Variants in SGCZ observed in about 807,000 individuals in gnomAD.
SGCZ encodes zeta-sarcoglycan.
Under a neutral mutation model 41.3 loss-of-function variants are expected in SGCZ, and 40 were observed. The ratio of observed to expected loss-of-function variants is 0.97; its 90% CI spans 0.75 to 1.26. The LOEUF (loss-of-function observed/expected upper bound fraction) is 1.26. Among genes scored for constraint, SGCZ ranks in the 50% most tolerant of loss-of-function variants. SGCZ has a pLI of 0.00. For synonymous variants in SGCZ, 206 were observed against 137.5 expected, an observed-to-expected ratio of 1.50 and a Z score of -3.49; for missense variants, 552 against 369.8, an observed-to-expected ratio of 1.49 and a Z score of -4.04.
chr8:14,442,795 T>C (rs753769123), intron 2 of SGCZ, among the ~76,000 whole-genome samples: 3 of 152,198 alleles, frequency 2.0e-5, no homozygotes, highest in Non-Finnish European at 4.4e-5. Context: ...CAAACTAAAT[T>C]TGTTTTATTG....
intron 1 of SGCZ, among the ~76,000 whole-genome samples, chr8:15,130,670 G>C (rs1042299470): frequency 2.6e-5 from 4 of 152,066 alleles, no homozygotes; most frequent in Non-Finnish European, 4.4e-5. Flanking sequence ...GATATAATGA[G>C]GCTGTGTCAA....
intron 1 of SGCZ, among the ~76,000 whole-genome samples, chr8:14,655,629 C>G (rs1347281314): frequency 2.6e-5 from 4 of 151,878 alleles, no homozygotes; most frequent in African/African-American, 9.7e-5. Flanking sequence ...AATTCTTTAC[C>G]CAATTTCACC....
At chr8:14,617,850 A>ATGTG (rs34821756) in intron 1 of SGCZ, among the ~76,000 whole-genome samples, 1,564 of 92,766 alleles carry the variant, frequency 0.017, 28 homozygotes, top group African/African-American at 0.051. Context: ...TTGTGTGTTT[A>ATGTG]TGTGTGTGTG....
chr8:14,554,739 A>T lies in SGCZ; in HGVS notation c.227T>A (p.Phe76Tyr). The change falls in exon 2 of 8, where the codon TTC becomes TAC. Residue 76 changes from phenylalanine to tyrosine, a missense_variant. Coordinates refer to ENST00000382080, the MANE Select transcript of SGCZ (RefSeq NM_139167.4). ...MTIWILKVMNFTVDGMGNLRV... is the reference protein window; with the variant it reads ...MTIWILKVMNYTVDGMGNLRV... ...AATCATAGTGGTACTTACCACAGTG[A>T]AATTCATAACTTTCAATATCCATAT... 1.2e-6 allele frequency: 2 copies of T among 1,612,290 alleles called. No individual in the cohort carries two copies. The highest frequency in any genetic ancestry group is 1.7e-6 in the Non-Finnish European group (2 of 1,178,924).
chr8:14,281,013 TA>T (rs1160085662), intron 3 of SGCZ, among the ~76,000 whole-genome samples: 3 of 151,874 alleles, frequency 2.0e-5, no homozygotes, highest in Admixed American at 6.6e-5. Context: ...CAGACAAATT[TA>T]TTTCCCTGCT....
At chr8:14,348,930 A>G (rs1802989647) in intron 2 of SGCZ, among the ~76,000 whole-genome samples, 1 of 152,150 alleles carries the variant, frequency 6.6e-6, no homozygotes, top group Non-Finnish European at 1.5e-5. Flanking sequence ...GAAAGTATAT[A>G]GAATTTTACA....
At chr8:14,328,470 T>A (rs1423261652) in intron 2 of SGCZ, among the ~76,000 whole-genome samples, 1 of 152,130 alleles carries the variant, frequency 6.6e-6, no homozygotes, top group Non-Finnish European at 1.5e-5. Flanking sequence ...CATCTGTAAA[T>A]GGAATGGTAA....
chr8:15,082,516 G>A (rs1041618643), intron 1 of SGCZ, among the ~76,000 whole-genome samples: 2 of 151,796 alleles, frequency 1.3e-5, no homozygotes, highest in Admixed American at 6.6e-5. Context: ...CCAAAACACT[G>A]AGTTACAGAA....
At chr8:15,090,730 G>A (rs1444836922) in intron 1 of SGCZ, among the ~76,000 whole-genome samples, 2 of 152,158 alleles carry the variant, frequency 1.3e-5, no homozygotes, top group Non-Finnish European at 2.9e-5. Flanking sequence ...AATGATGTGT[G>A]AGTCGATAAA....
intron 4 of SGCZ, among the ~76,000 whole-genome samples, chr8:14,176,502 C>T (rs1475482521): frequency 6.6e-6 from 1 of 152,298 alleles, no homozygotes; most frequent in East Asian, 1.9e-4. Context: ...CAAGTCAGTA[C>T]TGACAAAGAA....
chr8:14,474,193 A>G (rs1304084985), intron 2 of SGCZ, among the ~76,000 whole-genome samples: 1 of 152,164 alleles, frequency 6.6e-6, no homozygotes, highest in Non-Finnish European at 1.5e-5. Context: ...TTTTGCACTC[A>G]CAACTGATGT....
At chr8:14,202,523 CT>C (rs1805488456) in intron 4 of SGCZ, among the ~76,000 whole-genome samples, 1 of 151,470 alleles carries the variant, frequency 6.6e-6, no homozygotes, top group South Asian at 2.1e-4. Context: ...ACTATTCATA[CT>C]TGGATAATTT....
At chr8:14,923,830 G>T (rs1799664338) in intron 1 of SGCZ, among the ~76,000 whole-genome samples, 1 of 152,154 alleles carries the variant, frequency 6.6e-6, no homozygotes, top group Admixed American at 6.5e-5. Context: ...CAACTAAAAT[G>T]AAATTACAGA....
At chr8:14,918,386 G>A (rs1237320569) in intron 1 of SGCZ, among the ~76,000 whole-genome samples, 2 of 151,140 alleles carry the variant, frequency 1.3e-5, no homozygotes, top group African/African-American at 2.4e-5. Context: ...AACTTTCTGG[G>A]GTAATTTTCT....
intron 2 of SGCZ, among the ~76,000 whole-genome samples, chr8:14,530,965 T>C (rs1451295367): frequency 6.6e-6 from 1 of 152,002 alleles, no homozygotes; most frequent in Non-Finnish European, 1.5e-5. Context: ...GCAGACAAGT[T>C]CCCAGGTGGA....
At chr8:14,124,117 G>C (rs1418569216) in intron 5 of SGCZ, among the ~76,000 whole-genome samples, 1 of 152,248 alleles carries the variant, frequency 6.6e-6, no homozygotes, top group East Asian at 1.9e-4. Flanking sequence ...GTTCAAACTT[G>C]TAACCTCTAG....
chr8:14,741,554 A>C (rs1368271596), intron 1 of SGCZ, among the ~76,000 whole-genome samples: 1 of 152,128 alleles, frequency 6.6e-6, no homozygotes, highest in African/African-American at 2.4e-5. Context: ...TTTACATTCA[A>C]AACATTAACA....
intron 1 of SGCZ, among the ~76,000 whole-genome samples, chr8:15,118,046 G>C (rs769937952): frequency 2.0e-5 from 3 of 152,174 alleles, no homozygotes; most frequent in African/African-American, 7.2e-5. Context: ...TGTGATTGCA[G>C]TTCGTCTTCT....
chr8:14,110,633 T>C (rs1275148060), intron 5 of SGCZ, among the ~76,000 whole-genome samples: 1 of 152,164 alleles, frequency 6.6e-6, no homozygotes, highest in Non-Finnish European at 1.5e-5. Context: ...AAATTCACTC[T>C]CCCTGTTTTT....
Sources: allele counts gnomAD v4.1 joint callset (sites outside exome capture counted in the v4.1 genomes callset), GRCh38; gene constraint gnomAD v4.1.1; transcripts MANE v1.5; gene names NCBI Gene and HGNC (gene_info 2026-07-23, HGNC 2026-07-21).